MYO3B: variants seen among roughly 807,000 people sequenced by gnomAD.
The protein encoded by MYO3B is myosin-IIIb.
Under a neutral mutation model 174.6 loss-of-function variants are expected in MYO3B, and 156 were observed. That is an observed-to-expected ratio of 0.89 (90% CI 0.78 to 1.02). The LOEUF is 1.02. Ranked by LOEUF, MYO3B falls within the 50% of genes least tolerant of loss-of-function variation. MYO3B has a pLI of 0.00. For synonymous variants in MYO3B, 563 were observed against 569.1 expected, an observed-to-expected ratio of 0.99 and a Z score of 0.15; for missense variants, 1,632 against 1,639.4, an observed-to-expected ratio of 1.00 and a Z score of 0.08.
In MYO3B at chr2:170,404,283, G is replaced by T. The variant is rs771214819; in HGVS notation, c.2314G>T (p.Val772Leu). 1 of 1,612,878 alleles carries T rather than the reference G, an allele frequency of 6.2e-7. No individual in the cohort carries two copies. Among genetic ancestry groups the T allele is most frequent in the African/African-American group, 1.3e-5 (1 of 74,952 alleles). ...YQNEGIDAVP[V>L]EYEDNRPLLD... ...GAATGAAGGCATTGATGCTGTACCCGTGGAATATGAGGACAACCGCCCGCT... is the reference window on the plus strand; with the variant it reads ...GAATGAAGGCATTGATGCTGTACCCTTGGAATATGAGGACAACCGCCCGCT... The change falls in exon 20 of 35, where the codon GTG becomes TTG. Residue 772 changes from valine (V) to leucine (L), a missense_variant. By Grantham distance (32) the Val-to-Leu change is conservative (BLOSUM62 1). Transcript: ENST00000408978.
intron 22 of MYO3B, among the ~76,000 whole-genome samples, chr2:170,428,946 T>C (rs1223575978): frequency 2.0e-5 from 3 of 152,224 alleles, no homozygotes; most frequent in African/African-American, 4.8e-5. Context: ...TTTTCATTGC[T>C]TCCATGCTAA....
In MYO3B at chr2:170,543,870, C is replaced by A. The variant is rs1484400528; in HGVS notation, c.3637-22C>A. The stretch of plus-strand genomic sequence containing the variant: ...TCATCAGAGGATAAGAATAATATTT[C>A]TCTTACTGGGTTTTTCTGAAGCACT... On this transcript the variant is annotated intron_variant, in intron 31 of 34. Coordinates refer to ENST00000408978, the MANE Select transcript of MYO3B (RefSeq NM_138995.5). 8 of 1,593,918 alleles carry A rather than the reference C, an allele frequency of 5.0e-6. No homozygotes were observed. In the East Asian group the frequency reaches 9.0e-5, roughly 18 times the overall value.
intron 28 of MYO3B, among the ~76,000 whole-genome samples, chr2:170,504,479 C>A (rs1055431860): frequency 1.3e-5 from 2 of 152,204 alleles, no homozygotes; most frequent in Non-Finnish European, 2.9e-5. Flanking sequence ...TTAGCTTCCT[C>A]AGAACTTCCT....
intron 7 of MYO3B, among the ~76,000 whole-genome samples, chr2:170,241,621 A>G (rs1194505870): frequency 6.6e-6 from 1 of 152,184 alleles, no homozygotes; most frequent in African/African-American, 2.4e-5. Flanking sequence ...TTGGATAACA[A>G]AAAGGAGAAA....
chr2:170,283,324 G>T lies in MYO3B; in HGVS notation c.749+47188G>T, dbSNP rs370255182. Among the ~76,000 whole-genome samples, 8 of 152,174 alleles carry T rather than the reference G, an allele frequency of 5.3e-5. No individual in the cohort carries two copies. The East Asian group carries it at 1.5e-3, about 29-fold the overall frequency. ...TTTCCCATGCTGGGGAACCTATCAA[G>T]GCTCTCAGGGGATCCCAGCTGGGCT... On this transcript the variant is annotated intron_variant, in intron 7 of 34. Coordinates refer to ENST00000408978, the MANE Select transcript of MYO3B (RefSeq NM_138995.5).
At chr2:170,404,540 T>A in intron 20 of MYO3B, 140 bp downstream of exon 20, 1 of 778,194 alleles carries the variant, frequency 1.3e-6, no homozygotes, top group Middle Eastern at 2.9e-4. Flanking sequence ...TCTTTTTCAT[T>A]GAATTGAAGT....
intron 24 of MYO3B, among the ~76,000 whole-genome samples, chr2:170,463,747 G>C (rs1334061423): frequency 6.6e-6 from 1 of 152,172 alleles, no homozygotes. Flanking sequence ...TGGCTTATAA[G>C]TTCAGATACT....
chr2:170,192,143 T>A (rs907937645), intron 1 of MYO3B, among the ~76,000 whole-genome samples: 2 of 152,080 alleles, frequency 1.3e-5, no homozygotes, highest in African/African-American at 4.8e-5. Context: ...CTGGAAAACA[T>A]AAATAGCATT....
chr2:170,302,778 C>T (rs1273738362), intron 7 of MYO3B, among the ~76,000 whole-genome samples: 2 of 152,100 alleles, frequency 1.3e-5, no homozygotes, highest in African/African-American at 4.8e-5. Context: ...GTGTTAATTC[C>T]TCAGGTGTTA....
rs1687288628 is a variant in MYO3B at position 170,501,808 on chromosome 2, AG to A, written c.3315del (p.Lys1106AsnfsTer5). On this transcript the variant is annotated frameshift_variant, in exon 28 of 35. Coordinates refer to ENST00000408978, the MANE Select transcript of MYO3B (RefSeq NM_138995.5). LOFTEE classifies it high-confidence loss of function. The stretch of plus-strand genomic sequence containing the variant: ...AGCCTGGAGAGGATATGATGCTCGG[AG>A]GAAATTTAAGAAAATAAGCAACAGA... ...QSAWRGYDAR[R>X]KFKKISNRRN... 1 of 1,612,454 alleles carries A rather than the reference AG, an allele frequency of 6.2e-7. No homozygotes were observed. The highest frequency in any genetic ancestry group is 8.5e-7 in the Non-Finnish European group (1 of 1,178,548).
At chr2:170,308,930 T>A (rs2093719068) in intron 7 of MYO3B, among the ~76,000 whole-genome samples, 1 of 152,148 alleles carries the variant, frequency 6.6e-6, no homozygotes, top group East Asian at 1.9e-4. Flanking sequence ...CAATAGGAAG[T>A]AGAGGGGCCT....
chr2:170,483,036 GA>G (rs1685797030), intron 25 of MYO3B, among the ~76,000 whole-genome samples: 1 of 152,228 alleles, frequency 6.6e-6, no homozygotes, highest in Non-Finnish European at 1.5e-5. Context: ...TAGTCAATTA[GA>G]AAAATCATTT....
intron 25 of MYO3B, among the ~76,000 whole-genome samples, chr2:170,477,160 G>A (rs1205938107): frequency 6.6e-6 from 1 of 152,104 alleles, no homozygotes; most frequent in Non-Finnish European, 1.5e-5. Context: ...ACTGCTGTCA[G>A]CCTGACCTTG....
chr2:170,637,896 C>A (rs1697646960), intron 32 of MYO3B, among the ~76,000 whole-genome samples: 1 of 152,164 alleles, frequency 6.6e-6, no homozygotes, highest in South Asian at 2.1e-4. Flanking sequence ...ATCTTTGCTT[C>A]TCTCAGATAC....
At chr2:170,449,846 T>G (rs1181749944) in intron 23 of MYO3B, among the ~76,000 whole-genome samples, 2 of 152,148 alleles carry the variant, frequency 1.3e-5, no homozygotes, top group African/African-American at 4.8e-5. Flanking sequence ...TCGCAATGTT[T>G]ATCACATCAG....
chr2:170,588,823 A>G (rs1414036875), intron 32 of MYO3B, among the ~76,000 whole-genome samples: 1 of 152,226 alleles, frequency 6.6e-6, no homozygotes, highest in Non-Finnish European at 1.5e-5. Flanking sequence ...CTATGACTGC[A>G]TCAGGAACCT....
chr2:170,454,431 G>A (rs1054235037), intron 23 of MYO3B, among the ~76,000 whole-genome samples: 2 of 152,164 alleles, frequency 1.3e-5, no homozygotes, highest in African/African-American at 2.4e-5. Flanking sequence ...ACCCTGTGGT[G>A]GAGCTACAGA....
chr2:170,404,552 T>C, intron 20 of MYO3B, 152 bp downstream of exon 20: 1 of 760,620 alleles, frequency 1.3e-6, no homozygotes, highest in Non-Finnish European at 2.0e-6. Context: ...AATTGAAGTG[T>C]TGTGGTAGAA....
At chr2:170,466,768 CCCTGTGT>C in intron 25 of MYO3B, 57 bp downstream of exon 25, 3 of 1,526,470 alleles carry the variant, frequency 2.0e-6, no homozygotes, top group Non-Finnish European at 2.7e-6. Flanking sequence ...CTCTGGCCAT[CCCTGTGT>C]CCTAAGATTG....
Sources: allele counts gnomAD v4.1 joint callset (sites outside exome capture counted in the v4.1 genomes callset), GRCh38; gene constraint gnomAD v4.1.1; transcripts MANE v1.5; gene names NCBI Gene and HGNC (gene_info 2026-07-23, HGNC 2026-07-21).